The following ACOT7 variants were observed in gnomAD, a reference collection of about 807,000 sequenced individuals.
The protein encoded by ACOT7 is acyl-CoA thioesterase 7.
A neutral mutation model predicts 40.2 loss-of-function variants in ACOT7; 12 were observed. That is an observed-to-expected ratio of 0.30 (90% CI 0.19 to 0.48). ACOT7 has a LOEUF of 0.48. Among genes scored for constraint, ACOT7 ranks in the 20% least tolerant of loss-of-function variants. ACOT7 has a pLI of 0.99. For missense variants in ACOT7, 395 were observed against 530.8 expected (o/e 0.74, Z 2.51); for synonymous variants, 228 against 219.5 (o/e 1.04, Z -0.34).
At chr1:6,346,585 G>A (rs541580791) in intron 2 of ACOT7, among the ~76,000 whole-genome samples, 10 of 152,356 alleles carry the variant, frequency 6.6e-5, no homozygotes, top group South Asian at 4.1e-4. Flanking sequence ...TCGTGCGGAC[G>A]TGCCTTTGGC....
chr1:6,306,740 C>T lies in ACOT7; in HGVS notation c.712+11752G>A, dbSNP rs1204486828. 1.8e-5 allele frequency: 22 copies of T among 1,252,416 alleles called. No individual in the cohort carries two copies. The highest frequency in any genetic ancestry group is 2.2e-5 in the Non-Finnish European group (21 of 966,764). 77.6% of individuals were successfully genotyped at this position (1,252,416 alleles called of 1,614,324 possible). On this transcript the variant is annotated intron_variant, in intron 6 of 8. Transcript: ENST00000361521. The surrounding 1 kb of genome is among the most constrained non-coding windows in gnomAD (Gnocchi z 4.3). ...AGAGTAGGGAACAGCTCTTCGTCCACCTTTTTCCTTCCTTGCCCCAACACT... is the reference window on the plus strand; with the variant it reads ...AGAGTAGGGAACAGCTCTTCGTCCATCTTTTTCCTTCCTTGCCCCAACACT...
Position 6,359,179 on chromosome 1 carries a change from A to G in ACOT7, c.144-9313T>C. 4.0e-6 allele frequency: 1 copy of G among 247,296 alleles called. No individual in the cohort carries two copies. The highest frequency in any genetic ancestry group is 5.7e-5 in the South Asian group (1 of 17,466). 15.3% of individuals were successfully genotyped at this position (247,296 alleles called of 1,614,324 possible). The stretch of plus-strand genomic sequence containing the variant: ...GAGCGGCCTCAGGGAAGCGGCTATG[A>G]GGCTCTGCCTTCTCTGACAGGGCAC... On this transcript the variant is annotated intron_variant, in intron 1 of 8. Transcript: ENST00000361521. This position sits in a 1 kb window ranked among gnomAD's most constrained non-coding sequence, Gnocchi z 4.1.
chr1:6,297,493 G>A (rs578141053), intron 6 of ACOT7, among the ~76,000 whole-genome samples: 1 of 152,294 alleles, frequency 6.6e-6, no homozygotes, highest in Non-Finnish European at 1.5e-5. Context: ...AATTAGTGGG[G>A]GCCCCGAGCA....
chr1:6,335,868 C>G (rs1002515863), intron 3 of ACOT7, among the ~76,000 whole-genome samples: 2 of 152,210 alleles, frequency 1.3e-5, no homozygotes, highest in African/African-American at 4.8e-5. Context: ...AATCTGACAA[C>G]CTGCTTTTGG....
chr1:6,325,840 A>T (rs900025962), intron 5 of ACOT7, among the ~76,000 whole-genome samples: 1 of 152,202 alleles, frequency 6.6e-6, no homozygotes, highest in African/African-American at 2.4e-5. Flanking sequence ...GTGAGCGGCC[A>T]TAACAATGCC....
intron 4 of ACOT7, among the ~76,000 whole-genome samples, chr1:6,327,947 T>C (rs1044188521): frequency 2.6e-5 from 4 of 152,062 alleles, no homozygotes; most frequent in Non-Finnish European, 5.9e-5. Context: ...CTAATTTTTG[T>C]ATTTTTAGTA....
chr1:6,380,038 C>G (rs1253036576), intron 1 of ACOT7, among the ~76,000 whole-genome samples: 1 of 151,636 alleles, frequency 6.6e-6, no homozygotes, highest in South Asian at 2.1e-4. Context: ...TGCACTCTAG[C>G]CTGGGCATCA....
chr1:6,389,648 G>C (rs1343971087), intron 1 of ACOT7, among the ~76,000 whole-genome samples: 1 of 151,952 alleles, frequency 6.6e-6, no homozygotes, highest in African/African-American at 2.4e-5. Flanking sequence ...GCTGGGCGTG[G>C]TGGCGGGCGT....
chr1:6,290,089 G>C (rs1017811544), intron 7 of ACOT7, among the ~76,000 whole-genome samples: 55 of 152,262 alleles, frequency 3.6e-4, no homozygotes, highest in African/African-American at 4.8e-4. Context: ...CAGCACGAGG[G>C]GGGGAATGGG....
At chr1:6,266,094 G>A (rs896504535) in intron 8 of ACOT7, among the ~76,000 whole-genome samples, 2 of 152,222 alleles carry the variant, frequency 1.3e-5, no homozygotes, top group Non-Finnish European at 2.9e-5. Context: ...CCTTTGAAGA[G>A]TCTTCGGTGT....
chr1:6,376,746 A>AT (rs1418605285), intron 1 of ACOT7, among the ~76,000 whole-genome samples: 1 of 146,170 alleles, frequency 6.8e-6, no homozygotes, highest in Non-Finnish European at 1.5e-5. Context: ...AAAAAAAAAA[A>AT]TTAGCTGGGC....
intron 2 of ACOT7, among the ~76,000 whole-genome samples, chr1:6,342,250 G>C (rs917984840): frequency 3.9e-5 from 6 of 152,040 alleles, no homozygotes; most frequent in Non-Finnish European, 7.4e-5. Flanking sequence ...GAGCTCCCTC[G>C]GGACCCTTTC....
intron 8 of ACOT7, 114 bp downstream of exon 8, chr1:6,280,988 C>T (rs374557413): frequency 1.1e-5 from 16 of 1,406,374 alleles, no homozygotes; most frequent in Non-Finnish European, 7.7e-6. Context: ...CTACTCTGAC[C>T]CCTACTGACA....
At chr1:6,382,037 C>T (rs1345126815) in intron 1 of ACOT7, among the ~76,000 whole-genome samples, 2 of 151,142 alleles carry the variant, frequency 1.3e-5, no homozygotes, top group Non-Finnish European at 3.0e-5. Flanking sequence ...ACTCAGGAGG[C>T]TGAGGCAGGA....
At chr1:6,272,827 A>G (rs1639073781) in intron 8 of ACOT7, among the ~76,000 whole-genome samples, 1 of 152,216 alleles carries the variant, frequency 6.6e-6, no homozygotes. Context: ...CACCTTCCGC[A>G]GCACCCTGGG....
chr1:6,350,053 G>A (rs982559335), intron 1 of ACOT7, among the ~76,000 whole-genome samples, 187 bp from the exon 2 acceptor site: 3 of 152,186 alleles, frequency 2.0e-5, no homozygotes, highest in Non-Finnish European at 2.9e-5. Flanking sequence ...GCTAGGCCAC[G>A]GAAGGGGCCC....
intron 7 of ACOT7, among the ~76,000 whole-genome samples, chr1:6,281,925 G>T (rs1639370088): frequency 6.6e-6 from 1 of 152,148 alleles, no homozygotes; most frequent in Admixed American, 6.5e-5. Flanking sequence ...CGGGACCAAA[G>T]CTTCCTCCTC....
At chr1:6,323,935 G>C (rs913135936) in intron 5 of ACOT7, among the ~76,000 whole-genome samples, 2 of 151,768 alleles carry the variant, frequency 1.3e-5, no homozygotes, top group Non-Finnish European at 2.9e-5. Flanking sequence ...CTGGGAGCAG[G>C]CAAGTCAAAG....
chr1:6,330,413 CGT>C lies in ACOT7; in HGVS notation c.511-3002_511-3001del, dbSNP rs1557653802. Among the ~76,000 whole-genome samples, 2 of 152,120 alleles carry C rather than the reference CGT, an allele frequency of 1.3e-5. No individual in the cohort carries two copies. Reference sequence around the variant, plus strand: ...GGAGGTTTATACTACGTGGGCCTAGCGTGTGTTGGGGGGAAGATGGTGCAAAG... The same window carrying C: ...GGAGGTTTATACTACGTGGGCCTAGCGTGTTGGGGGGAAGATGGTGCAAAG... On this transcript the variant is annotated intron_variant, in intron 4 of 8. Coordinates refer to ENST00000361521, the MANE Select transcript of ACOT7 (RefSeq NM_007274.4). This position sits in a 1 kb window ranked among gnomAD's most constrained non-coding sequence, Gnocchi z 4.6.
Sources: allele counts gnomAD v4.1 joint callset (sites outside exome capture counted in the v4.1 genomes callset), GRCh38; gene constraint gnomAD v4.1.1; non-coding constraint Gnocchi (gnomAD v3.1); transcripts MANE v1.5; gene names NCBI Gene and HGNC (gene_info 2026-07-23, HGNC 2026-07-21).